The following NCOA1 variants were observed in gnomAD, a reference collection of about 807,000 sequenced individuals.
NCOA1 encodes the protein nuclear receptor coactivator 1, also known as Hin-2 protein.
NCOA1 carries 35 observed loss-of-function variants against 150.9 expected under a neutral mutation model. That is an observed-to-expected ratio of 0.23 (90% confidence interval 0.18 to 0.31). The LOEUF is 0.31. Ranked by LOEUF, NCOA1 falls within the 10% of genes least tolerant of loss-of-function variation. The pLI is 1.00. For missense variants in NCOA1, 1,491 were observed against 1,749.3 expected (o/e 0.85, Z 2.63); for synonymous variants, 590 against 630.0 (o/e 0.94, Z 0.95).
At chr2:24,661,958 T>C (rs1218454312) in intron 5 of NCOA1, among the ~76,000 whole-genome samples, 1 of 152,236 alleles carries the variant, frequency 6.6e-6, no homozygotes, top group Non-Finnish European at 1.5e-5. Context: ...TTAGATATCT[T>C]AAAGATAATT....
chr2:24,548,624 G>A (rs1295009316), intron 1 of NCOA1, among the ~76,000 whole-genome samples: 1 of 152,220 alleles, frequency 6.6e-6, no homozygotes, highest in South Asian at 2.1e-4. Context: ...AAGCAAGTTA[G>A]ATACTTGGGG....
chr2:24,732,092 G>A (rs896069792), intron 17 of NCOA1, among the ~76,000 whole-genome samples: 1 of 152,166 alleles, frequency 6.6e-6, no homozygotes, highest in African/African-American at 2.4e-5. Context: ...AAGGGTCTAG[G>A]TCAGGTTCAT....
intron 17 of NCOA1, among the ~76,000 whole-genome samples, chr2:24,734,948 A>G (rs557059564): frequency 1.1e-4 from 16 of 152,348 alleles, no homozygotes; most frequent in South Asian, 2.1e-4. Flanking sequence ...GAGAGACTTA[A>G]TAAGAGACAG....
chr2:24,673,613 C>G, intron 7 of NCOA1, 150 bp downstream of exon 7: 1 of 503,970 alleles, frequency 2.0e-6, no homozygotes, highest in East Asian at 3.7e-5. Context: ...AACTATTTGA[C>G]AGTTGTTACT....
In NCOA1 at chr2:24,707,261, A is replaced by G. The variant is rs375058922; in HGVS notation, c.1791A>G (p.Gln597=). ...EIASILNEMI[Q]SDNSSSDGKP... is the part of the protein sequence containing the mutation. ...CCTCAATTTTAAATGAAATGATTCA[A>G]TCTGACAACAGCTCTAGTGATGGCA... The change falls in exon 13 of 23, where the codon CAA becomes CAG. Residue 597 remains glutamine, a synonymous_variant. Transcript: ENST00000348332. The G allele has an allele frequency of 1.1e-5, 18 of 1,614,110 alleles. No individual in the cohort carries two copies. The South Asian group carries it at 1.2e-4, about 11-fold the overall frequency.
intron 8 of NCOA1, among the ~76,000 whole-genome samples, chr2:24,684,455 A>G (rs931361974): frequency 2.0e-5 from 3 of 152,164 alleles, no homozygotes; most frequent in Non-Finnish European, 4.4e-5. Context: ...CTGTAGATCT[A>G]TGACTATTTG....
intron 11 of NCOA1, among the ~76,000 whole-genome samples, chr2:24,699,591 CTG>C (rs1673059159): frequency 2.6e-5 from 4 of 152,098 alleles, no homozygotes; most frequent in Admixed American, 2.6e-4. Context: ...ATAGAAATAA[CTG>C]TATTTTTCTT....
intron 20 of NCOA1, among the ~76,000 whole-genome samples, chr2:24,753,329 T>A (rs1240967059): frequency 6.6e-6 from 1 of 152,028 alleles, no homozygotes; most frequent in Admixed American, 6.6e-5. Flanking sequence ...ACTAAACTCT[T>A]ACTTTATACC....
chr2:24,754,604 C>T (rs553581032), intron 20 of NCOA1, among the ~76,000 whole-genome samples: 83 of 152,280 alleles, frequency 5.5e-4, no homozygotes, highest in Non-Finnish European at 1.1e-3. Flanking sequence ...ACTTCCCTGA[C>T]CACCATTTCT....
chr2:24,644,460 A>C (rs554199727), intron 4 of NCOA1, among the ~76,000 whole-genome samples: 4 of 152,170 alleles, frequency 2.6e-5, no homozygotes, highest in Admixed American at 2.6e-4. Flanking sequence ...ACATATATGC[A>C]TAAAATTACA....
At chr2:24,727,772 C>T (rs942624302) in intron 15 of NCOA1, among the ~76,000 whole-genome samples, 1 of 152,142 alleles carries the variant, frequency 6.6e-6, no homozygotes, top group African/African-American at 2.4e-5. Flanking sequence ...TAATACCTAG[C>T]ATATTTCATT....
chr2:24,660,976 A>T (rs1671159603), intron 5 of NCOA1, among the ~76,000 whole-genome samples: 1 of 151,982 alleles, frequency 6.6e-6, no homozygotes, highest in Non-Finnish European at 1.5e-5. Flanking sequence ...CAGGAGAATC[A>T]CTTGAACCCG....
rs6710970 is a variant in NCOA1, at chr2:24,575,828, C to T, written c.-259-8648C>T. Among the ~76,000 whole-genome samples the T allele has an allele frequency of 4.1e-3, 631 of 152,234 alleles. 5 individuals are homozygous for T. The highest frequency in any genetic ancestry group is 0.015 in the African/African-American group (612 of 41,550). On this transcript the variant is annotated intron_variant, in intron 2 of 22. Transcript: ENST00000348332. ...GACCTCATGATCCGCCCACCTGGGC[C>T]TCCCAAAGTGCTGGGATTACAGGTG... is the stretch of plus-strand genomic sequence containing the variant.
At position 24,621,350 on chromosome 2, in the gene NCOA1, A is replaced by G. The variant is rs1374999113; in HGVS notation, c.-174-22616A>G. ...TTTTTGTTTTCCGTTTGAATACTTG[A>G]ACCACTTCAGTGTCTAATTGAACAT... On this transcript the variant is annotated intron_variant, in intron 3 of 22. Coordinates refer to ENST00000348332, the MANE Select transcript of NCOA1 (RefSeq NM_003743.5). 4.7e-5 allele frequency among the ~76,000 whole-genome samples: 7 copies of G among 148,376 alleles called. No homozygotes were observed. The East Asian group carries it at 6.0e-4, about 13-fold the overall frequency.
chr2:24,581,986 C>A (rs1667211963), intron 2 of NCOA1, among the ~76,000 whole-genome samples: 1 of 152,060 alleles, frequency 6.6e-6, no homozygotes, highest in Admixed American at 6.5e-5. Flanking sequence ...TATGACAAAC[C>A]CACAGCTAAC....
At chr2:24,529,088 A>G (rs1437652854) in intron 1 of NCOA1, among the ~76,000 whole-genome samples, 3 of 152,104 alleles carry the variant, frequency 2.0e-5, no homozygotes, top group African/African-American at 2.4e-5. Flanking sequence ...GGGTTTCACC[A>G]TGTTAGCCAG....
chr2:24,658,597 C>T, intron 4 of NCOA1, 64 bp from the exon 5 acceptor site: 1 of 1,224,772 alleles, frequency 8.2e-7, no homozygotes, highest in South Asian at 1.2e-5. Context: ...GGGGAGCTTC[C>T]CTACCTTTAT....
intron 1 of NCOA1, among the ~76,000 whole-genome samples, chr2:24,525,060 T>C (rs559483962): frequency 6.6e-6 from 1 of 152,184 alleles, no homozygotes; most frequent in African/African-American, 2.4e-5. Context: ...AATCTGAGGG[T>C]AGTGAAATTA....
intron 1 of NCOA1, among the ~76,000 whole-genome samples, chr2:24,526,974 A>C (rs1664679565): frequency 6.6e-6 from 1 of 152,238 alleles, no homozygotes; most frequent in Admixed American, 6.5e-5. Flanking sequence ...TCAAGTATAT[A>C]GGACAATATG....
Sources: allele counts gnomAD v4.1 joint callset (sites outside exome capture counted in the v4.1 genomes callset), GRCh38; gene constraint gnomAD v4.1.1; transcripts MANE v1.5; gene names NCBI Gene and HGNC (gene_info 2026-07-23, HGNC 2026-07-21).